The following DPP10 variants were observed in gnomAD, a reference collection of about 807,000 sequenced individuals.
DPP10 encodes inactive dipeptidyl peptidase 10.
A neutral mutation model predicts 120.9 loss-of-function variants in DPP10; 33 were observed. The observed-to-expected ratio is 0.27, with a 90% CI of 0.21 to 0.37. The LOEUF is 0.37. Among genes scored for constraint, DPP10 ranks in the 10% least tolerant of loss-of-function variants. DPP10 has a pLI of 1.00. For synonymous variants in DPP10, 337 were observed against 326.1 expected (o/e 1.03, Z -0.36); for missense variants, 816 against 942.8 (o/e 0.87, Z 1.76).
At chr2:115,077,033 A>C (rs1309795336) in intron 1 of DPP10, among the ~76,000 whole-genome samples, 1 of 152,074 alleles carries the variant, frequency 6.6e-6, no homozygotes, top group African/African-American at 2.4e-5. Context: ...TGTGTGCCTG[A>C]ATTTATCTCA....
chr2:115,827,195 A>G (rs1375922251), intron 21 of DPP10, among the ~76,000 whole-genome samples: 1 of 151,362 alleles, frequency 6.6e-6, no homozygotes, highest in Admixed American at 6.6e-5. Flanking sequence ...ATTTTTAACT[A>G]ATTAAAGTTG....
intron 5 of DPP10, among the ~76,000 whole-genome samples, chr2:115,688,427 A>G (rs866642529): frequency 5.3e-5 from 8 of 152,198 alleles, no homozygotes; most frequent in African/African-American, 9.6e-5. Flanking sequence ...GGGAGTTTTA[A>G]TTGACAGTAT....
At chr2:115,739,975 CA>C in intron 9 of DPP10, 82 bp downstream of exon 9, 1 of 1,482,080 alleles carries the variant, frequency 6.7e-7, no homozygotes, top group South Asian at 1.2e-5. Flanking sequence ...GGTTCTTGAA[CA>C]AGTTGTCTTT....
intron 1 of DPP10, among the ~76,000 whole-genome samples, chr2:114,997,963 T>C (rs561978764): frequency 5.6e-4 from 86 of 152,346 alleles, no homozygotes; most frequent in Middle Eastern, 3.4e-3. Flanking sequence ...TGCAATATTT[T>C]AAATAATTTT....
chr2:114,474,809 G>C (rs148748321), intron 1 of DPP10, among the ~76,000 whole-genome samples: 370 of 152,268 alleles, frequency 2.4e-3, no homozygotes, highest in Admixed American at 4.4e-3. Context: ...GTTCAAAATG[G>C]GGAGCTGTAC....
intron 1 of DPP10, among the ~76,000 whole-genome samples, chr2:114,979,813 C>A (rs1314121184): frequency 6.6e-6 from 1 of 151,998 alleles, no homozygotes; most frequent in Non-Finnish European, 1.5e-5. Context: ...TTATACAATA[C>A]AATTTTAATT....
chr2:114,883,510 T>G (rs1475598789), intron 1 of DPP10, among the ~76,000 whole-genome samples: 1 of 152,190 alleles, frequency 6.6e-6, no homozygotes, highest in Non-Finnish European at 1.5e-5. Flanking sequence ...TTGTTAACCA[T>G]TGAAACATGC....
intron 11 of DPP10, among the ~76,000 whole-genome samples, chr2:115,757,986 G>T (rs1454260406): frequency 6.6e-6 from 1 of 151,904 alleles, no homozygotes; most frequent in African/African-American, 2.4e-5. Flanking sequence ...GTGAGATAAG[G>T]GTATCCATTC....
chr2:114,966,379 G>T (rs1476132176), intron 1 of DPP10, among the ~76,000 whole-genome samples: 1 of 152,132 alleles, frequency 6.6e-6, no homozygotes, highest in African/African-American at 2.4e-5. Context: ...TTGCACTCCA[G>T]TGAAGGGGTT....
chr2:115,413,948 TG>T (rs1170367146), intron 3 of DPP10, among the ~76,000 whole-genome samples: 1 of 152,104 alleles, frequency 6.6e-6, no homozygotes, highest in Non-Finnish European at 1.5e-5. Flanking sequence ...CTGACATAAC[TG>T]AGATCATTGA....
chr2:115,086,933 T>C (rs959718648), intron 1 of DPP10, among the ~76,000 whole-genome samples: 4 of 152,184 alleles, frequency 2.6e-5, no homozygotes, highest in African/African-American at 9.7e-5. Flanking sequence ...TTACAGGGCT[T>C]GACTATTTTC....
chr2:114,611,043 C>T (rs575780586), intron 1 of DPP10, among the ~76,000 whole-genome samples: 2 of 152,140 alleles, frequency 1.3e-5, no homozygotes, highest in East Asian at 3.9e-4. Context: ...GGTATAATTA[C>T]GAAGGCTGTC....
intron 1 of DPP10, among the ~76,000 whole-genome samples, chr2:114,670,451 G>A (rs1454309136): frequency 2.6e-5 from 4 of 151,432 alleles, no homozygotes; most frequent in East Asian, 3.9e-4. Context: ...AACACCGCAT[G>A]TTCTCACTCA....
intron 1 of DPP10, among the ~76,000 whole-genome samples, chr2:114,478,071 T>C (rs551546284): frequency 7.2e-4 from 110 of 152,024 alleles, no homozygotes; most frequent in African/African-American, 2.4e-3. Context: ...ATACTGCTGC[T>C]ACTCAATTCA....
At chr2:114,560,529 C>T (rs1688683865) in intron 1 of DPP10, among the ~76,000 whole-genome samples, 1 of 152,102 alleles carries the variant, frequency 6.6e-6, no homozygotes, top group African/African-American at 2.4e-5. Flanking sequence ...GAAGATGGGG[C>T]TTACATACCC....
intron 5 of DPP10, among the ~76,000 whole-genome samples, chr2:115,630,916 A>G (rs978250958): frequency 6.6e-6 from 1 of 152,148 alleles, no homozygotes; most frequent in Non-Finnish European, 1.5e-5. Context: ...TGCTGGCTGC[A>G]TAAGATGAAT....
At chr2:114,553,918 A>G (rs923956340) in intron 1 of DPP10, among the ~76,000 whole-genome samples, 1 of 152,228 alleles carries the variant, frequency 6.6e-6, no homozygotes. Flanking sequence ...ATCACACAAG[A>G]TTCCATCTTT....
chr2:114,743,381 CT>C lies in DPP10; in HGVS notation c.60+300552del, dbSNP rs199892494. 3.5e-4 allele frequency among the ~76,000 whole-genome samples: 51 copies of C among 146,630 alleles called. No homozygotes were observed. In the East Asian group the frequency reaches 9.1e-3, roughly 26 times the overall value. On this transcript the variant is annotated intron_variant, in intron 1 of 25. Transcript: ENST00000410059. ...GCAAAGTTGAATTTGCTTGAAGTTT[CT>C]TTTTTTTTCTTTCATATCCATACCC... is the stretch of plus-strand genomic sequence containing the variant.
intron 1 of DPP10, among the ~76,000 whole-genome samples, chr2:114,816,834 G>C (rs540316958): frequency 2.9e-4 from 44 of 152,254 alleles, no homozygotes; most frequent in African/African-American, 9.4e-4. Context: ...GGTAGTCAGA[G>C]GCACAGGAAG....
Sources: gnomAD v4.1 joint callset for allele counts (sites outside exome capture counted in the v4.1 genomes callset) on GRCh38, gnomAD v4.1.1 for gene constraint, MANE v1.5 for transcripts, NCBI Gene and HGNC (gene_info 2026-07-23, HGNC 2026-07-21) for gene names.